The following PRKCA variants were observed in gnomAD, a reference collection of about 807,000 sequenced individuals.
PRKCA encodes the protein protein kinase C alpha.
A neutral mutation model predicts 87.0 loss-of-function variants in PRKCA; 27 were observed. That is an observed-to-expected ratio of 0.31 (90% confidence interval 0.23 to 0.43). The LOEUF is 0.43. Among genes scored for constraint, PRKCA ranks in the 20% least tolerant of loss-of-function variants. PRKCA has a pLI of 1.00. For missense variants in PRKCA, 518 were observed against 852.3 expected, an observed-to-expected ratio of 0.61 and a Z score of 4.88; for synonymous variants, 329 against 311.1, an observed-to-expected ratio of 1.06 and a Z score of -0.61.
intron 9 of PRKCA, among the ~76,000 whole-genome samples, chr17:66,735,231 A>C (rs1973996902): frequency 6.6e-6 from 1 of 152,238 alleles, no homozygotes; most frequent in Non-Finnish European, 1.5e-5. Context: ...TTTAGCAGCC[A>C]AAATAGTGCC....
chr17:66,406,773 A>G (rs7224927), intron 2 of PRKCA, among the ~76,000 whole-genome samples: 2,044 of 152,058 alleles, frequency 0.013, 53 homozygotes, highest in African/African-American at 0.047. Flanking sequence ...ATCTACTTTC[A>G]TTCTTTTCCA....
intron 2 of PRKCA, among the ~76,000 whole-genome samples, chr17:66,388,352 T>C (rs1188168691): frequency 6.6e-6 from 1 of 151,962 alleles, no homozygotes; most frequent in African/African-American, 2.4e-5. Context: ...TGGAGTGTAA[T>C]GGCGCCATCT....
intron 2 of PRKCA, among the ~76,000 whole-genome samples, chr17:66,425,002 T>A (rs1026652088): frequency 6.6e-6 from 1 of 152,082 alleles, no homozygotes; most frequent in East Asian, 1.9e-4. Context: ...GCTCCAGCGA[T>A]CCACCCTCCT....
chr17:66,607,622 T>A (rs1970248513), intron 3 of PRKCA, among the ~76,000 whole-genome samples: 1 of 152,206 alleles, frequency 6.6e-6, no homozygotes, highest in African/African-American at 2.4e-5. Context: ...TCTGGTTCCT[T>A]AGCCAATTCA....
intron 3 of PRKCA, among the ~76,000 whole-genome samples, chr17:66,635,700 C>A (rs1971135690): frequency 6.6e-6 from 1 of 152,074 alleles, no homozygotes; most frequent in Non-Finnish European, 1.5e-5. Flanking sequence ...TACTGTATTC[C>A]CTATTCAGTA....
chr17:66,753,179 C>A (rs1378977749), intron 13 of PRKCA, among the ~76,000 whole-genome samples: 1 of 152,192 alleles, frequency 6.6e-6, no homozygotes, highest in Non-Finnish European at 1.5e-5. Context: ...CTCTCCTCTC[C>A]CCACCAGTCC....
At chr17:66,703,197 C>T (rs539048225) in intron 8 of PRKCA, 47 of 152,286 alleles carry the variant, frequency 3.1e-4, no homozygotes, top group African/African-American at 1.1e-3. Context: ...CATAATAACA[C>T]TTAAATAACA....
intron 2 of PRKCA, among the ~76,000 whole-genome samples, chr17:66,463,616 C>T (rs181023820): frequency 5.3e-5 from 8 of 152,200 alleles, no homozygotes; most frequent in Admixed American, 4.6e-4. Context: ...AGGTTGGTCT[C>T]GATCTCCTGA....
At chr17:66,373,220 T>TA (rs1233029189) in intron 2 of PRKCA, among the ~76,000 whole-genome samples, 3 of 152,166 alleles carry the variant, frequency 2.0e-5, no homozygotes, top group Non-Finnish European at 1.5e-5. Context: ...GAACACATTG[T>TA]AAAAAAATAT....
At chr17:66,429,589 A>T (rs1186536464) in intron 2 of PRKCA, among the ~76,000 whole-genome samples, 1 of 150,936 alleles carries the variant, frequency 6.6e-6, no homozygotes, top group Admixed American at 6.6e-5. Flanking sequence ...CATCTAGTCC[A>T]TTTTTTTTTC....
chr17:66,459,756 T>G (rs1205678816), intron 2 of PRKCA, among the ~76,000 whole-genome samples: 1 of 152,232 alleles, frequency 6.6e-6, no homozygotes, highest in Non-Finnish European at 1.5e-5. Context: ...GTAATTATTT[T>G]GGGGCATTGT....
At chr17:66,614,581 T>C (rs1429926713) in intron 3 of PRKCA, among the ~76,000 whole-genome samples, 1 of 152,172 alleles carries the variant, frequency 6.6e-6, no homozygotes, top group African/African-American at 2.4e-5. Context: ...ACTTAACAGC[T>C]AAATTTGGGA....
intron 11 of PRKCA, among the ~76,000 whole-genome samples, chr17:66,740,416 G>C (rs1051877846): frequency 6.6e-6 from 1 of 152,154 alleles, no homozygotes; most frequent in Admixed American, 6.6e-5. Flanking sequence ...TCGGGGGCAT[G>C]TACCCTGATG....
chr17:66,303,017 T>G lies in PRKCA; in HGVS notation c.166T>G (p.Phe56Val). ...QPTFCSHCTD[F>V]IWGFGKQGFQ... ...CACCTTCTGCAGCCACTGCACCGAC[T>G]TCATCTGGTAGGTGCCGGGCCGGGC... Residue 56 changes from phenylalanine (F) to valine (V), a missense_variant, in exon 1 of 17, where the codon TTC becomes GTC. Phe to Val is a conservative substitution (Grantham distance 50). Around this residue, in one of 5 missense-constraint regions of PRKCA, gnomAD observed 25 missense variants for 72.1 expected, o/e 0.35. Coordinates refer to ENST00000413366, the MANE Select transcript of PRKCA (RefSeq NM_002737.3). 6.2e-7 allele frequency: 1 copy of G among 1,609,416 alleles called. No homozygotes were observed. The highest frequency in any genetic ancestry group is 8.5e-7 in the Non-Finnish European group (1 of 1,177,854).
At chr17:66,386,313 T>G (rs918176917) in intron 2 of PRKCA, among the ~76,000 whole-genome samples, 2 of 152,184 alleles carry the variant, frequency 1.3e-5, no homozygotes, top group African/African-American at 4.8e-5. Flanking sequence ...TGTGCCAAAA[T>G]TTATTTAAGC....
At chr17:66,350,294 A>C (rs780188634) in intron 2 of PRKCA, among the ~76,000 whole-genome samples, 1 of 152,066 alleles carries the variant, frequency 6.6e-6, no homozygotes, top group Admixed American at 6.6e-5. Flanking sequence ...GTGTGACCAA[A>C]TGAGCCGTCT....
At position 66,511,683 on chromosome 17, in the gene PRKCA, C is replaced by CTT. The variant is rs11384474; in HGVS notation, c.288+15414_288+15415dup. Among the ~76,000 whole-genome samples the CTT allele has an allele frequency of 5.2e-4, 74 of 141,724 alleles. 1 individual carries two copies. In the East Asian group the frequency reaches 7.3e-3, roughly 14 times the overall value. 93.0% of individuals were successfully genotyped at this position (141,724 alleles called of 152,430 possible). ...TCAGGTCATTCTCTCATATAGTGAACTTTTTTTTTTTTTTTGAGATGGAGT... is the reference window on the plus strand; with the variant it reads ...TCAGGTCATTCTCTCATATAGTGAACTTTTTTTTTTTTTTTTTGAGATGGAGT... On this transcript the variant is annotated intron_variant, in intron 3 of 16. Transcript: ENST00000413366.
At chr17:66,507,138 A>T (rs1338277701) in intron 3 of PRKCA, among the ~76,000 whole-genome samples, 1 of 152,222 alleles carries the variant, frequency 6.6e-6, no homozygotes, top group Non-Finnish European at 1.5e-5. Context: ...AAGGTTAAAA[A>T]ACACAGTTCT....
intron 8 of PRKCA, among the ~76,000 whole-genome samples, chr17:66,693,204 G>A (rs117471129): frequency 1.2e-3 from 184 of 152,330 alleles, no homozygotes; most frequent in Non-Finnish European, 2.0e-3. Context: ...GGCTGGAGAT[G>A]ACCTTCCTCG....
Sources: allele counts gnomAD v4.1 joint callset (sites outside exome capture counted in the v4.1 genomes callset), GRCh38; gene constraint gnomAD v4.1.1; regional missense constraint gnomAD v4.1.1; transcripts MANE v1.5; gene names NCBI Gene and HGNC (gene_info 2026-07-23, HGNC 2026-07-21).